The following TTLL12 variants were observed in gnomAD, a reference collection of about 807,000 sequenced individuals.
TTLL12 encodes tubulin tyrosine ligase like 12.
TTLL12 carries 77 observed loss-of-function variants against 79.6 expected under a neutral mutation model. The ratio of observed to expected loss-of-function variants is 0.97; its 90% CI spans 0.81 to 1.17. TTLL12 has a LOEUF of 1.17. Among genes scored for constraint, TTLL12 ranks in the 50% most tolerant of loss-of-function variants. TTLL12 has a pLI of 0.00. For missense variants in TTLL12, 969 were observed against 895.9 expected (o/e 1.08, Z -1.04); for synonymous variants, 437 against 376.1 (o/e 1.16, Z -1.87).
intron 12 of TTLL12, 146 bp downstream of exon 12, chr22:43,169,354 G>T: frequency 1.4e-6 from 1 of 712,224 alleles, no homozygotes; most frequent in Non-Finnish European, 2.3e-6. Context: ...ACGCTGTCTT[G>T]CCAGCCTCTG....
chr22:43,169,422 G>A (rs1931704845), intron 12 of TTLL12, 78 bp downstream of exon 12: 6 of 1,264,620 alleles, frequency 4.7e-6, no homozygotes, highest in Non-Finnish European at 6.5e-6. Flanking sequence ...CAGCAGAGAG[G>A]GAAGGGAGCA....
chr22:43,182,848 C>T, intron 2 of TTLL12, 132 bp downstream of exon 2: 1 of 1,259,680 alleles, frequency 7.9e-7, no homozygotes, highest in Non-Finnish European at 1.1e-6. Flanking sequence ...CCGCTGGCCA[C>T]ACGTGCTTGC....
intron 2 of TTLL12, among the ~76,000 whole-genome samples, chr22:43,181,852 G>A (rs1466644847): frequency 6.6e-6 from 1 of 152,234 alleles, no homozygotes; most frequent in Non-Finnish European, 1.5e-5. Flanking sequence ...ACTTGTGTTA[G>A]AGTGGGTGAC....
intron 5 of TTLL12, among the ~76,000 whole-genome samples, chr22:43,176,952 A>G (rs1931931412): frequency 6.6e-6 from 1 of 151,488 alleles, no homozygotes; most frequent in Non-Finnish European, 1.5e-5. Flanking sequence ...ATTGTTGCAC[A>G]TCTTCTCGGT....
chr22:43,182,916 A>G, intron 2 of TTLL12, 64 bp downstream of exon 2: 1 of 1,570,846 alleles, frequency 6.4e-7, no homozygotes, highest in Non-Finnish European at 8.7e-7. Flanking sequence ...GAGAATCTGC[A>G]TTACTGCATC....
In TTLL12 at chr22:43,180,797, G is replaced by T. The variant is rs764381591; in HGVS notation, c.491C>A (p.Ala164Asp). 1 of 1,613,226 alleles carries T rather than the reference G, an allele frequency of 6.2e-7. No individual in the cohort carries two copies. The change falls in exon 3 of 14, where the codon GCC becomes GAC. Residue 164 changes from alanine (A) to aspartate (D), a missense_variant. Ala to Asp is a moderately radical substitution (Grantham distance 126, BLOSUM62 -2). Coordinates refer to ENST00000216129, the MANE Select transcript of TTLL12 (RefSeq NM_015140.4). ...HGELPSTEAV[A>D]LVLEEMWKFN... Reference sequence around the variant, plus strand: ...CTTCCACATCTCCTCCAGCACCAGGGCCACAGCCTCTGTACTGGGCAGCTC... The same window carrying T: ...CTTCCACATCTCCTCCAGCACCAGGTCCACAGCCTCTGTACTGGGCAGCTC...
chr22:43,174,729 G>GC (rs1931859337), intron 6 of TTLL12, 114 bp from the exon 7 acceptor site: 2 of 764,660 alleles, frequency 2.6e-6, no homozygotes, highest in African/African-American at 3.5e-5. Flanking sequence ...TGAGGCAGAG[G>GC]CAAGTCCTGG....
Position 43,187,109 on chromosome 22 carries a change from G to GCCGCCGC in TTLL12, c.-47_-41dup. 1 of 1,060,192 alleles carries GCCGCCGC rather than the reference G, an allele frequency of 9.4e-7. No individual in the cohort carries two copies. Among genetic ancestry groups the GCCGCCGC allele is most frequent in the Non-Finnish European group, 1.1e-6 (1 of 883,688 alleles). 65.7% of individuals were successfully genotyped at this position (1,060,192 alleles called of 1,614,324 possible). Reference sequence around the variant, plus strand: ...CGCCGACTCCAGCGCCGCCACCGCCGCCGCCGCCCGCCGTCCGTCGGCCCT... The same window carrying GCCGCCGC: ...CGCCGACTCCAGCGCCGCCACCGCCGCCGCCGCCCGCCGCCCGCCGTCCGTCGGCCCT... On this transcript the variant is annotated 5_prime_UTR_variant, in exon 1 of 14. Coordinates refer to ENST00000216129, the MANE Select transcript of TTLL12 (RefSeq NM_015140.4).
At chr22:43,173,141 T>C (rs1397740181) in intron 9 of TTLL12, among the ~76,000 whole-genome samples, 1 of 152,214 alleles carries the variant, frequency 6.6e-6, no homozygotes, top group Non-Finnish European at 1.5e-5. Context: ...ATGTACACAG[T>C]CCAGGCAGAT....
Position 43,174,863 on chromosome 22 carries a change from CCACCT to C in TTLL12, c.918-253_918-249del, listed in dbSNP as rs772845075. On this transcript the variant is annotated intron_variant, in intron 6 of 13. Coordinates refer to ENST00000216129, the MANE Select transcript of TTLL12 (RefSeq NM_015140.4). ...CATCCGCAGGACTGGACCACACCGTCCACCTCACATTTGTCATTAAAATTAAATGG... is the reference window on the plus strand; with the variant it reads ...CATCCGCAGGACTGGACCACACCGTCCACATTTGTCATTAAAATTAAATGG... 1.1e-4 allele frequency among the ~76,000 whole-genome samples: 17 copies of C among 152,372 alleles called. No homozygotes were observed. The East Asian group carries it at 2.3e-3, about 21-fold the overall frequency.
At chr22:43,184,764 T>A (rs1601777793) in intron 1 of TTLL12, among the ~76,000 whole-genome samples, 2 of 152,092 alleles carry the variant, frequency 1.3e-5, no homozygotes, top group East Asian at 1.9e-4. Context: ...AGGCTGAGGG[T>A]CAGAGAGCCT....
chr22:43,179,997 C>T lies in TTLL12; in HGVS notation c.550G>A (p.Ala184Thr), dbSNP rs1230233717. 1 of 1,594,644 alleles carries T rather than the reference C, an allele frequency of 6.3e-7. No individual in the cohort carries two copies. The highest frequency in any genetic ancestry group is 8.5e-7 in the Non-Finnish European group (1 of 1,172,692). ...TACCACACCGGCATCTTCTCCTCAGCTGTCTGCAGACAGAGCACATATGGC... is the reference window on the plus strand; with the variant it reads ...TACCACACCGGCATCTTCTCCTCAGTTGTCTGCAGACAGAGCACATATGGC... The part of the protein sequence containing the change: ...NQTYQLAHGT[A>T]EEKMPVWYIM... Residue 184 changes from alanine to threonine, a missense_variant, in exon 4 of 14, where the codon GCT becomes ACT. Coordinates refer to ENST00000216129, the MANE Select transcript of TTLL12 (RefSeq NM_015140.4).
chr22:43,185,773 A>T (rs1932169049), intron 1 of TTLL12, among the ~76,000 whole-genome samples: 4 of 152,254 alleles, frequency 2.6e-5, no homozygotes, highest in Admixed American at 6.5e-5. Context: ...CTGGCTGGGC[A>T]GGAGCTGGTC....
chr22:43,168,734 G>T, intron 13 of TTLL12, 40 bp downstream of exon 13: 1 of 1,544,516 alleles, frequency 6.5e-7, no homozygotes. Context: ...CGGAGGGGGC[G>T]CCTGCTGGTT....
chr22:43,176,466 A>C, intron 5 of TTLL12, 70 bp from the exon 6 acceptor site: 5 of 1,277,922 alleles, frequency 3.9e-6, no homozygotes, highest in South Asian at 1.3e-5. Flanking sequence ...GTGGTGGCTC[A>C]TGTCCATAAT....
rs1461769914 is a variant in TTLL12 at position 43,171,825 on chromosome 22, C to T, written c.1569G>A (p.Leu523=). The change falls in exon 11 of 14, where the codon CTG becomes CTA. Residue 523 remains leucine, a synonymous_variant. Transcript: ENST00000216129. ...TVMNYDPDVV[L]KQVHCEEFIP... ...CACCTCCCTCAGGCCCTACCTGCTTCAGCACCACATCCGGGTCATAGTTCA... is the reference window on the plus strand; with the variant it reads ...CACCTCCCTCAGGCCCTACCTGCTTTAGCACCACATCCGGGTCATAGTTCA... 2 of 1,613,970 alleles carry T rather than the reference C, an allele frequency of 1.2e-6. No homozygotes were observed. Among genetic ancestry groups the T allele is most frequent in the Admixed American group, 3.3e-5 (2 of 60,010 alleles).
chr22:43,176,448 G>A (rs1931915149), intron 5 of TTLL12, 52 bp from the exon 6 acceptor site: 1 of 1,464,560 alleles, frequency 6.8e-7, no homozygotes. Flanking sequence ...GGGAGGGAAA[G>A]GCCGGCCGTG....
At chr22:43,173,599 C>T in intron 9 of TTLL12, 116 bp downstream of exon 9, 3 of 958,610 alleles carry the variant, frequency 3.1e-6, no homozygotes, top group Non-Finnish European at 4.6e-6. Flanking sequence ...AGGTGTAAGC[C>T]ACCCTGCCCA....
chr22:43,185,880 G>C (rs976492344), intron 1 of TTLL12: 1 of 840,992 alleles, frequency 1.2e-6, no homozygotes. Context: ...TGGGACCAGA[G>C]TGGTCCTCGG....
Sources: gnomAD v4.1 joint callset for allele counts (sites outside exome capture counted in the v4.1 genomes callset) on GRCh38, gnomAD v4.1.1 for gene constraint, MANE v1.5 for transcripts, NCBI Gene and HGNC (gene_info 2026-07-23, HGNC 2026-07-21) for gene names.